The following GLRA2 variants were observed in gnomAD, a reference collection of about 807,000 sequenced individuals.
GLRA2 encodes glycine receptor alpha 2.
A neutral mutation model predicts 31.6 loss-of-function variants in GLRA2; 11 were observed. The observed-to-expected ratio is 0.35, with a 90% CI of 0.22 to 0.58. The LOEUF is 0.58. GLRA2 is among the 20% of genes least tolerant of loss of function. GLRA2 has a pLI of 0.84. For synonymous variants in GLRA2, 132 were observed against 134.0 expected, an observed-to-expected ratio of 0.99 and a Z score of 0.10; for missense variants, 212 against 351.8, an observed-to-expected ratio of 0.60 and a Z score of 3.18.
chrX:14,659,453 G>A (rs1178111575), intron 7 of GLRA2, among the ~76,000 whole-genome samples: 2 of 101,098 alleles, frequency 2.0e-5, no homozygotes, highest in African/African-American at 6.9e-5. Context: ...AGCAATTTGT[G>A]TTGGGTGAAA....
the GLRA2 span, among the ~76,000 whole-genome samples, chrX:14,449,879 C>G: frequency 9.0e-6 from 1 of 111,659 alleles, no homozygotes; most frequent in African/African-American, 3.3e-5. Flanking sequence ...TTTCAGAACA[C>G]TGAGAAGAGT....
intron 7 of GLRA2, among the ~76,000 whole-genome samples, chrX:14,639,901 T>C (rs1363257733): frequency 1.8e-5 from 2 of 112,362 alleles, no homozygotes; most frequent in Non-Finnish European, 3.8e-5. Flanking sequence ...GTTAAAAATA[T>C]TCATAGTAAA....
At chrX:14,569,518 A>G in intron 2 of GLRA2, among the ~76,000 whole-genome samples, 1 of 112,040 alleles carries the variant, frequency 8.9e-6, no homozygotes, top group Non-Finnish European at 1.9e-5. Flanking sequence ...AAGATGCTCA[A>G]TGTCATTACT....
the GLRA2 span, among the ~76,000 whole-genome samples, chrX:14,502,228 C>T: frequency 9.0e-6 from 1 of 111,371 alleles, no homozygotes; most frequent in Non-Finnish European, 1.9e-5. Context: ...TTTCTTTTGG[C>T]CTCAGTTACC....
intron 8 of GLRA2, among the ~76,000 whole-genome samples, chrX:14,691,322 T>TGCGC (rs1404399390): frequency 8.5e-5 from 7 of 81,970 alleles, no homozygotes; most frequent in African/African-American, 3.8e-4. Context: ...TGTGTGTGTG[T>TGCGC]GTGCGCGCGT....
rs371558943 is a variant in GLRA2 at position 14,679,905 on chromosome X, A to G, written c.931-10805A>G. On this transcript the variant is annotated intron_variant, in intron 7 of 8. Coordinates refer to ENST00000218075, the MANE Select transcript of GLRA2 (RefSeq NM_002063.4). Reference sequence around the variant, plus strand: ...AGACCATGGGATTCTTAAGTGGTGAAGCAGGGCCACTAAGATGTACAACCC... The same window carrying G: ...AGACCATGGGATTCTTAAGTGGTGAGGCAGGGCCACTAAGATGTACAACCC... Among the ~76,000 whole-genome samples the G allele has an allele frequency of 9.8e-5, 11 of 111,769 alleles. No homozygotes were observed. In the East Asian group the frequency reaches 2.0e-3, roughly 20 times the overall value.
At chrX:14,648,734 T>G (rs1251022938) in intron 7 of GLRA2, among the ~76,000 whole-genome samples, 1 of 111,658 alleles carries the variant, frequency 9.0e-6, no homozygotes, top group African/African-American at 3.3e-5. Flanking sequence ...TTTAACAATT[T>G]AATGCTCAAC....
rs182387599 is a variant in GLRA2, at chrX:14,560,825, A to G, written c.203-13508A>G. On this transcript the variant is annotated intron_variant, in intron 2 of 8. Coordinates refer to ENST00000218075, the MANE Select transcript of GLRA2 (RefSeq NM_002063.4). Reference sequence around the variant, plus strand: ...AAAAAAAAAAAAAAAAAAAAAAAGAATAATAGTAACATTTATTGTGAACTT... The same window carrying G: ...AAAAAAAAAAAAAAAAAAAAAAAGAGTAATAGTAACATTTATTGTGAACTT... Among the ~76,000 whole-genome samples, 790 of 107,182 alleles carry G rather than the reference A, an allele frequency of 7.4e-3. 9 individuals are homozygous for G. The highest frequency in any genetic ancestry group is 0.026 in the African/African-American group (754 of 29,479). The allele number at this position is 107,182 out of a possible 115,157, so 93.1% of individuals were successfully genotyped here. A position where few individuals can be genotyped will look rare whatever the true frequency, so the allele number is the denominator to read the frequency against.
the GLRA2 span, among the ~76,000 whole-genome samples, chrX:14,515,612 A>G: frequency 1.8e-5 from 2 of 111,943 alleles, no homozygotes; most frequent in South Asian, 3.7e-4. Context: ...TTCCAAGTCA[A>G]TACTTATAAG....
At chrX:14,618,921 A>T (rs2090483563) in intron 7 of GLRA2, among the ~76,000 whole-genome samples, 1 of 111,655 alleles carries the variant, frequency 9.0e-6, no homozygotes, top group African/African-American at 3.3e-5. Context: ...ACAGCACATT[A>T]GTTCCTTCGT....
chrX:14,628,072 C>T (rs748156805), intron 7 of GLRA2, among the ~76,000 whole-genome samples: 46 of 110,901 alleles, frequency 4.1e-4, no homozygotes, highest in African/African-American at 1.5e-3. Flanking sequence ...GTGAGGGTAT[C>T]GTGGTTTGAC....
At chrX:14,529,124 G>T (rs1395354388), upstream of GLRA2, among the ~76,000 whole-genome samples, 1 of 111,055 alleles carries the variant, frequency 9.0e-6, no homozygotes, top group Non-Finnish European at 1.9e-5. Context: ...GGCTTGCACT[G>T]ACAAAGAGTG....
At chrX:14,602,107 A>G (rs887180848) in intron 4 of GLRA2, among the ~76,000 whole-genome samples, 3 of 111,784 alleles carry the variant, frequency 2.7e-5, no homozygotes, top group African/African-American at 9.7e-5. Context: ...ACCAAGACTT[A>G]CTAATTCTCA....
At chrX:14,636,391 T>A (rs955782216) in intron 7 of GLRA2, among the ~76,000 whole-genome samples, 1 of 110,874 alleles carries the variant, frequency 9.0e-6, no homozygotes, top group Non-Finnish European at 1.9e-5. Flanking sequence ...GTATATAACC[T>A]CGGTATGATG....
intron 4 of GLRA2, among the ~76,000 whole-genome samples, chrX:14,595,691 A>G (rs1051093715): frequency 3.6e-5 from 4 of 111,412 alleles, no homozygotes; most frequent in African/African-American, 1.3e-4. Context: ...GGTATGTAAG[A>G]ATAGATAACC....
intron 8 of GLRA2, among the ~76,000 whole-genome samples, chrX:14,695,505 C>T (rs1358848936): frequency 1.8e-5 from 2 of 112,134 alleles, no homozygotes; most frequent in African/African-American, 6.5e-5. Flanking sequence ...ATGGAGACAA[C>T]TATTTCACCC....
the GLRA2 span, among the ~76,000 whole-genome samples, chrX:14,474,741 T>TGGCTGG: frequency 1.0e-5 from 1 of 97,525 alleles, no homozygotes; most frequent in East Asian, 3.1e-4. Context: ...ATGGCTGGGA[T>TGGCTGG]GACTGGGGCC....
At chrX:14,453,455 A>G in the GLRA2 span, among the ~76,000 whole-genome samples, 22 of 111,633 alleles carry the variant, frequency 2.0e-4, no homozygotes, top group Non-Finnish European at 3.4e-4. Context: ...CAATAGGCTG[A>G]TGTTGAGAAT....
chrX:14,573,784 A>G (rs1466330629), intron 2 of GLRA2, among the ~76,000 whole-genome samples: 1 of 110,598 alleles, frequency 9.0e-6, no homozygotes, highest in Non-Finnish European at 1.9e-5. Context: ...TTTGTTTGTT[A>G]TATTTCTGTA....
Sources: gnomAD v4.1 joint callset for allele counts (sites outside exome capture counted in the v4.1 genomes callset) on GRCh38, gnomAD v4.1.1 for gene constraint, MANE v1.5 for transcripts, NCBI Gene and HGNC (gene_info 2026-07-23, HGNC 2026-07-21) for gene names.